The following RIMS2 variants were observed in gnomAD, a reference collection of about 807,000 sequenced individuals.
The protein encoded by RIMS2 is regulating synaptic membrane exocytosis protein 2.
RIMS2 carries 59 observed loss-of-function variants against 174.4 expected under a neutral mutation model. That is an observed-to-expected ratio of 0.34 (90% CI 0.27 to 0.42). RIMS2 has a LOEUF of 0.42. Ranked by LOEUF, RIMS2 falls within the 10% of genes least tolerant of loss-of-function variation. RIMS2 has a pLI of 1.00. For synonymous variants in RIMS2, 606 were observed against 572.5 expected (o/e 1.06, Z -0.84); for missense variants, 1,620 against 1,666.3 (o/e 0.97, Z 0.48).
chr8:104,031,411 T>C (rs939449940), intron 19 of RIMS2, among the ~76,000 whole-genome samples: 7 of 152,120 alleles, frequency 4.6e-5, no homozygotes, highest in African/African-American at 1.7e-4. Context: ...AGTTTATTCA[T>C]ACCTTGACTG....
At chr8:104,223,267 C>T (rs1220043846) in intron 19 of RIMS2, 3 of 670,948 alleles carry the variant, frequency 4.5e-6, no homozygotes, top group Admixed American at 6.1e-5. Flanking sequence ...GCCACCTCCC[C>T]CTCCGGCCGC....
intron 1 of RIMS2, among the ~76,000 whole-genome samples, chr8:103,667,907 T>G (rs544440629): frequency 8.6e-4 from 131 of 152,324 alleles, no homozygotes; most frequent in African/African-American, 3.1e-3. Flanking sequence ...CCCACAGTTT[T>G]GTTGCAGTGT....
intron 3 of RIMS2, among the ~76,000 whole-genome samples, chr8:103,827,911 A>T (rs1309368600): frequency 2.0e-5 from 3 of 151,986 alleles, no homozygotes; most frequent in Admixed American, 6.6e-5. Flanking sequence ...AAAAAAAAAA[A>T]GGTGTGCATT....
chr8:103,750,439 T>TA (rs2097873109), intron 2 of RIMS2, among the ~76,000 whole-genome samples: 1 of 152,166 alleles, frequency 6.6e-6, no homozygotes, highest in Non-Finnish European at 1.5e-5. Flanking sequence ...CATTTCATTT[T>TA]AAAATAACAA....
Position 104,094,477 on chromosome 8 carries a change from G to C in RIMS2, c.3334+79862G>C, listed in dbSNP as rs759914237. ...CCTTCAATTTCTGTTGCTTTCAAAA[G>C]ACCAAAGGGAATAGAAGAGGGAGGG... On this transcript the variant is annotated intron_variant, in intron 19 of 23. Coordinates refer to ENST00000504942, the Ensembl canonical transcript of RIMS2. 9.7e-6 allele frequency: 6 copies of C among 618,178 alleles called. No individual in the cohort carries two copies. The South Asian group carries it at 1.0e-4, about 11-fold the overall frequency. 38.3% of individuals were successfully genotyped at this position (618,178 alleles called of 1,614,324 possible).
chr8:103,654,656 A>G (rs926819711), intron 1 of RIMS2, among the ~76,000 whole-genome samples: 9 of 151,836 alleles, frequency 5.9e-5, no homozygotes, highest in African/African-American at 2.2e-4. Context: ...ATGCCCTTTA[A>G]TTCACTTACT....
chr8:104,146,547 T>C (rs1371522507), intron 19 of RIMS2, among the ~76,000 whole-genome samples: 1 of 152,248 alleles, frequency 6.6e-6, no homozygotes, highest in Non-Finnish European at 1.5e-5. Context: ...AGTGTCTTAT[T>C]TGATTTTGGT....
intron 1 of RIMS2, among the ~76,000 whole-genome samples, chr8:103,616,775 G>A (rs967590125): frequency 6.6e-6 from 1 of 151,946 alleles, no homozygotes; most frequent in African/African-American, 2.4e-5. Flanking sequence ...ATTCACAATT[G>A]CCACACAAAA....
chr8:103,861,981 T>A (rs186494614), intron 3 of RIMS2, among the ~76,000 whole-genome samples: 2 of 152,240 alleles, frequency 1.3e-5, no homozygotes, highest in Admixed American at 1.3e-4. Context: ...AGCTTTTTAG[T>A]TTAATTTTAT....
chr8:103,716,530 AGATG>A (rs1294403091), intron 2 of RIMS2, among the ~76,000 whole-genome samples: 1 of 152,008 alleles, frequency 6.6e-6, no homozygotes, highest in East Asian at 1.9e-4. Context: ...CATATATTAT[AGATG>A]AAAAGTTGAT....
intron 15 of RIMS2, among the ~76,000 whole-genome samples, chr8:103,974,327 A>G (rs1293033520): frequency 6.6e-6 from 1 of 152,188 alleles, no homozygotes; most frequent in Non-Finnish European, 1.5e-5. Flanking sequence ...ACTTTTTTAA[A>G]GTGCATAGCA....
intron 19 of RIMS2, among the ~76,000 whole-genome samples, chr8:104,133,367 G>A (rs758821900): frequency 6.6e-6 from 1 of 152,108 alleles, no homozygotes; most frequent in Non-Finnish European, 1.5e-5. Context: ...GGGATCCTGA[G>A]GTCCTGTGGA....
intron 3 of RIMS2, among the ~76,000 whole-genome samples, chr8:103,811,827 T>C (rs118013200): frequency 0.015 from 2,261 of 152,324 alleles, 17 homozygotes; most frequent in Non-Finnish European, 0.024. Context: ...GTAATACTTT[T>C]GAGAATAATG....
At chr8:104,187,810 G>T (rs1429842273) in intron 19 of RIMS2, among the ~76,000 whole-genome samples, 10 of 151,682 alleles carry the variant, frequency 6.6e-5, no homozygotes, top group Non-Finnish European at 1.0e-4. Flanking sequence ...ACTTCAGCTT[G>T]ATAAAATTTT....
intron 19 of RIMS2, among the ~76,000 whole-genome samples, chr8:104,077,050 C>T: frequency 6.6e-6 from 1 of 151,954 alleles, no homozygotes; most frequent in East Asian, 1.9e-4. Flanking sequence ...GAACTCCTGA[C>T]CTCAAGTGAT....
intron 1 of RIMS2, among the ~76,000 whole-genome samples, chr8:103,621,732 A>G (rs1215779225): frequency 1.3e-5 from 2 of 152,232 alleles, no homozygotes; most frequent in Non-Finnish European, 1.5e-5. Flanking sequence ...GGGACCCACA[A>G]TTTTTGAACA....
chr8:103,821,823 G>C (rs1457186552), intron 3 of RIMS2, among the ~76,000 whole-genome samples: 1 of 151,280 alleles, frequency 6.6e-6, no homozygotes, highest in Non-Finnish European at 1.5e-5. Context: ...TATTCTTGAA[G>C]AAAAAAATCA....
intron 3 of RIMS2, among the ~76,000 whole-genome samples, chr8:103,770,462 G>T (rs1347809085): frequency 6.6e-6 from 1 of 152,166 alleles, no homozygotes; most frequent in Non-Finnish European, 1.5e-5. Context: ...TATAATCCCA[G>T]CTACTTGGGA....
chr8:103,961,744 T>G (rs2090164184), intron 15 of RIMS2, among the ~76,000 whole-genome samples: 1 of 152,154 alleles, frequency 6.6e-6, no homozygotes. Flanking sequence ...TTTTGAAGGT[T>G]AAATAACCTA....
Sources: gnomAD v4.1 joint callset for allele counts (sites outside exome capture counted in the v4.1 genomes callset) on GRCh38, gnomAD v4.1.1 for gene constraint, MANE v1.5 for transcripts, NCBI Gene and HGNC (gene_info 2026-07-23, HGNC 2026-07-21) for gene names.